SPOP: variants seen among roughly 807,000 people sequenced by gnomAD.
SPOP encodes speckle-type POZ protein.
SPOP carries 11 observed loss-of-function variants against 45.6 expected under a neutral mutation model. The observed-to-expected ratio is 0.24, with a 90% CI of 0.15 to 0.40. The LOEUF (loss-of-function observed/expected upper bound fraction) is 0.40. Among genes scored for constraint, SPOP ranks in the 10% least tolerant of loss-of-function variants. SPOP has a pLI of 1.00. For missense variants in SPOP, 152 were observed against 465.6 expected (o/e 0.33, Z 6.20); for synonymous variants, 166 against 166.3 (o/e 1.00, Z 0.01).
At chr17:49,603,207 G>T (rs2071772378) in intron 8 of SPOP, among the ~76,000 whole-genome samples, 1 of 152,180 alleles carries the variant, frequency 6.6e-6, no homozygotes, top group Non-Finnish European at 1.5e-5. Context: ...TTTTGGTGCA[G>T]CTTTAATTTT....
chr17:49,600,791 C>T lies in SPOP; in HGVS notation c.981-269G>A. 2.4e-6 allele frequency: 1 copy of T among 423,538 alleles called. No homozygotes were observed. Among genetic ancestry groups the T allele is most frequent in the Non-Finnish European group, 4.4e-6 (1 of 227,746 alleles). The allele number at this position is 423,538 out of a possible 1,614,324, so 26.2% of individuals were successfully genotyped here. On this transcript the variant is annotated intron_variant, in intron 9 of 9. Transcript: ENST00000504102. This position sits in a 1 kb window ranked among gnomAD's most constrained non-coding sequence, Gnocchi z 4.2. ...AATGTTCCCCAGGCCCCCAACACTGCCTATGTTCCTTATATTCACCGGTGA... is the reference window on the plus strand; with the variant it reads ...AATGTTCCCCAGGCCCCCAACACTGTCTATGTTCCTTATATTCACCGGTGA...
intron 2 of SPOP, chr17:49,622,297 G>A (rs1246491000): frequency 1.6e-5 from 10 of 620,284 alleles, no homozygotes; most frequent in South Asian, 3.0e-5. Flanking sequence ...GATGGAAAGT[G>A]AGAGAAACAT....
At chr17:49,656,329 A>G (rs2072913317) in intron 1 of SPOP, among the ~76,000 whole-genome samples, 1 of 152,202 alleles carries the variant, frequency 6.6e-6, no homozygotes. Context: ...TATTTCTTGT[A>G]AAAAGAGACT....
chr17:49,623,001 GGT>G, intron 1 of SPOP, 125 bp from the exon 2 acceptor site: 1 of 539,284 alleles, frequency 1.9e-6, no homozygotes, highest in Non-Finnish European at 3.3e-6. Context: ...TTACCACTGA[GGT>G]CCTAAAATTT....
At chr17:49,630,111 A>G (rs949505071) in intron 1 of SPOP, among the ~76,000 whole-genome samples, 4 of 152,220 alleles carry the variant, frequency 2.6e-5, no homozygotes, top group Non-Finnish European at 4.4e-5. Context: ...GAAAAGCCCC[A>G]GTGTCATAAC....
intron 6 of SPOP, among the ~76,000 whole-genome samples, chr17:49,610,730 C>T (rs1050470323): frequency 1.3e-5 from 2 of 152,158 alleles, no homozygotes; most frequent in South Asian, 2.1e-4. Context: ...CTTCCCTGGG[C>T]GGTGAAGTCA....
intron 5 of SPOP, among the ~76,000 whole-genome samples, chr17:49,613,870 A>G (rs1394145371): frequency 6.6e-6 from 1 of 152,234 alleles, no homozygotes; most frequent in East Asian, 1.9e-4. Context: ...GAAAAACTAA[A>G]GATTTTTTTT....
Position 49,611,566 on chromosome 17 carries a change from A to C in SPOP, c.481-109T>G, listed in dbSNP as rs1360027061. On this transcript the variant is annotated intron_variant, in intron 5 of 9. Coordinates refer to ENST00000504102, the MANE Select transcript of SPOP (RefSeq NM_001007228.2). The stretch of plus-strand genomic sequence containing the variant: ...TGTAGTACATTCAGATACTAATATT[A>C]ATCATATTATCTTGAAACCACCTCC... The C allele has an allele frequency of 1.1e-5, 11 of 1,000,556 alleles. No individual in the cohort carries two copies. The Admixed American group carries it at 1.6e-4, about 14-fold the overall frequency. 62.0% of individuals were successfully genotyped at this position (1,000,556 alleles called of 1,614,324 possible).
chr17:49,639,895 C>T (rs1214563914), intron 1 of SPOP, among the ~76,000 whole-genome samples: 2 of 152,076 alleles, frequency 1.3e-5, no homozygotes, highest in African/African-American at 2.4e-5. Flanking sequence ...TATTTGCCTT[C>T]TGTAATTAAT....
intron 1 of SPOP, among the ~76,000 whole-genome samples, chr17:49,665,100 C>T (rs2073035702): frequency 6.6e-6 from 1 of 152,028 alleles, no homozygotes; most frequent in Non-Finnish European, 1.5e-5. Flanking sequence ...TATTTGGTAT[C>T]CTTATACAAG....
intron 1 of SPOP, among the ~76,000 whole-genome samples, chr17:49,667,410 C>T (rs1047235430): frequency 6.6e-6 from 1 of 150,386 alleles, no homozygotes; most frequent in Admixed American, 6.6e-5. Flanking sequence ...GTCAACATGG[C>T]GAAACCTCGT....
intron 5 of SPOP, among the ~76,000 whole-genome samples, chr17:49,613,944 T>G (rs1223017789): frequency 6.6e-6 from 1 of 152,182 alleles, no homozygotes; most frequent in Non-Finnish European, 1.5e-5. Flanking sequence ...GACGTGACTG[T>G]GACATTTATG....
intron 8 of SPOP, among the ~76,000 whole-genome samples, chr17:49,603,075 T>C (rs2071769301): frequency 6.6e-6 from 1 of 152,290 alleles, no homozygotes; most frequent in South Asian, 2.1e-4. Flanking sequence ...AATGACACAA[T>C]GCCCCTTCAG....
chr17:49,622,127 T>C (rs1385397454), intron 2 of SPOP, 60 bp from the exon 3 acceptor site: 7 of 1,587,498 alleles, frequency 4.4e-6, no homozygotes, highest in Middle Eastern at 1.7e-4. Context: ...AAAAACAGGA[T>C]GAAGGGCAGA....
intron 1 of SPOP, among the ~76,000 whole-genome samples, chr17:49,672,744 C>T (rs1007910719): frequency 6.6e-6 from 1 of 151,846 alleles, no homozygotes; most frequent in African/African-American, 2.4e-5. Flanking sequence ...TTCAGGAGTT[C>T]GAGACTGGCC....
At chr17:49,632,631 T>C (rs906124627) in intron 1 of SPOP, among the ~76,000 whole-genome samples, 15 of 152,148 alleles carry the variant, frequency 9.9e-5, no homozygotes, top group African/African-American at 3.1e-4. Context: ...TAGCTGGGAT[T>C]ACAGGCGCCC....
At chr17:49,617,944 G>GA (rs2072125101) in intron 5 of SPOP, among the ~76,000 whole-genome samples, 1 of 143,598 alleles carries the variant, frequency 7.0e-6, no homozygotes, top group African/African-American at 2.6e-5. Context: ...AAAAAAAAAA[G>GA]AAAGAAAGCA....
chr17:49,662,816 A>C (rs954173913), intron 1 of SPOP, among the ~76,000 whole-genome samples: 6 of 152,194 alleles, frequency 3.9e-5, no homozygotes, highest in African/African-American at 1.4e-4. Context: ...AAGTGACTGC[A>C]CTAACGATCC....
chr17:49,672,639 G>A (rs1481604637), intron 1 of SPOP, among the ~76,000 whole-genome samples: 2 of 152,030 alleles, frequency 1.3e-5, no homozygotes, highest in East Asian at 3.9e-4. Context: ...CAAACAGCTC[G>A]GGCTCTTTAA....
Sources: allele counts gnomAD v4.1 joint callset (sites outside exome capture counted in the v4.1 genomes callset), GRCh38; gene constraint gnomAD v4.1.1; non-coding constraint Gnocchi (gnomAD v3.1); transcripts MANE v1.5; gene names NCBI Gene and HGNC (gene_info 2026-07-23, HGNC 2026-07-21).